The following PID1 variants were observed in gnomAD, a reference collection of about 807,000 sequenced individuals.
PID1 encodes the protein phosphotyrosine interaction domain containing 1.
PID1 carries 10 observed loss-of-function variants against 19.1 expected under a neutral mutation model. The ratio of observed to expected loss-of-function variants is 0.52; its 90% CI spans 0.32 to 0.89. The LOEUF (loss-of-function observed/expected upper bound fraction) is 0.89. Ranked by LOEUF, PID1 falls within the 40% of genes least tolerant of loss-of-function variation. The probability of loss-of-function intolerance (pLI) is 0.03; values close to 1 mark genes in which losing one functional copy is unlikely to be tolerated. For missense variants in PID1, 248 were observed against 285.3 expected (o/e 0.87, Z 0.94); for synonymous variants, 130 against 116.0 (o/e 1.12, Z -0.78).
At chr2:229,098,041 G>A (rs1385116937) in intron 2 of PID1, among the ~76,000 whole-genome samples, 1 of 152,138 alleles carries the variant, frequency 6.6e-6, no homozygotes, top group African/African-American at 2.4e-5. Flanking sequence ...TTTGTTCAGT[G>A]CAAAACCAAC....
chr2:229,099,521 G>A (rs951807599), intron 2 of PID1, among the ~76,000 whole-genome samples: 2 of 152,128 alleles, frequency 1.3e-5, no homozygotes, highest in African/African-American at 4.8e-5. Flanking sequence ...AGAAGCGGGA[G>A]AGTTTATTTG....
At chr2:229,126,005 T>C (rs1478095520) in intron 2 of PID1, among the ~76,000 whole-genome samples, 1 of 152,204 alleles carries the variant, frequency 6.6e-6, no homozygotes, top group Non-Finnish European at 1.5e-5. Flanking sequence ...CCACCTCTAA[T>C]GTGTTTACCA....
chr2:229,029,744 G>T (rs1693506032), intron 2 of PID1, among the ~76,000 whole-genome samples: 1 of 151,508 alleles, frequency 6.6e-6, no homozygotes, highest in Admixed American at 6.6e-5. Context: ...GAAGGCTGAG[G>T]CAGGAGAATC....
At chr2:229,233,794 G>A (rs923438429) in intron 1 of PID1, among the ~76,000 whole-genome samples, 1 of 152,090 alleles carries the variant, frequency 6.6e-6, no homozygotes, top group African/African-American at 2.4e-5. Flanking sequence ...ACCCAGCCTT[G>A]TGCTAGATTT....
chr2:229,270,994 G>GA lies in PID1; in HGVS notation c.30+19_30+20insT. On this transcript the variant is annotated intron_variant, in intron 1 of 2. Coordinates refer to ENST00000392055, the MANE Select transcript of PID1 (RefSeq NM_001100818.2). ...CACCTCCTCCTCCAGGCTGGCCCCCGGCTCCCGGGTGCCCCTTACCTGCAG... is the reference window on the plus strand; with the variant it reads ...CACCTCCTCCTCCAGGCTGGCCCCCGAGCTCCCGGGTGCCCCTTACCTGCAG... 1.4e-6 allele frequency: 2 copies of GA among 1,386,796 alleles called. No homozygotes were observed. The highest frequency in any genetic ancestry group is 1.9e-6 in the Non-Finnish European group (2 of 1,073,262). 85.9% of individuals were successfully genotyped at this position (1,386,796 alleles called of 1,614,324 possible).
At chr2:229,045,982 C>G (rs570841052) in intron 2 of PID1, among the ~76,000 whole-genome samples, 3 of 152,326 alleles carry the variant, frequency 2.0e-5, no homozygotes, top group Admixed American at 6.5e-5. Context: ...TTAAGTGCCA[C>G]AGCCCAAATT....
At chr2:229,107,318 G>A (rs1470429867) in intron 2 of PID1, among the ~76,000 whole-genome samples, 8 of 152,068 alleles carry the variant, frequency 5.3e-5, no homozygotes, top group African/African-American at 1.7e-4. Context: ...AATGCACAGG[G>A]GTTTTGGGGA....
At chr2:229,177,475 T>G (rs990352537) in intron 1 of PID1, among the ~76,000 whole-genome samples, 1 of 152,208 alleles carries the variant, frequency 6.6e-6, no homozygotes, top group African/African-American at 2.4e-5. Context: ...TTTCGTTGTC[T>G]TTTGCTTTTC....
At chr2:229,030,004 T>C (rs915366517) in intron 2 of PID1, among the ~76,000 whole-genome samples, 1 of 152,128 alleles carries the variant, frequency 6.6e-6, no homozygotes, top group Non-Finnish European at 1.5e-5. Context: ...AATCCAAGTG[T>C]CCGTTGATAG....
chr2:229,124,344 T>C (rs1695580855), intron 2 of PID1, among the ~76,000 whole-genome samples: 1 of 152,140 alleles, frequency 6.6e-6, no homozygotes, highest in African/African-American at 2.4e-5. Context: ...TGCTGTGTTG[T>C]CTCTTCCAAC....
At chr2:229,051,382 G>T (rs990753075) in intron 2 of PID1, among the ~76,000 whole-genome samples, 1 of 151,964 alleles carries the variant, frequency 6.6e-6, no homozygotes, top group Non-Finnish European at 1.5e-5. Flanking sequence ...CTGTTGCCCC[G>T]GCTGTAGTGC....
intron 2 of PID1, among the ~76,000 whole-genome samples, chr2:229,076,298 A>G (rs972124563): frequency 6.6e-6 from 1 of 151,714 alleles, no homozygotes; most frequent in African/African-American, 2.4e-5. Flanking sequence ...CCAATCCTCA[A>G]TCACTTCCCC....
intron 1 of PID1, among the ~76,000 whole-genome samples, chr2:229,216,222 T>A (rs1017884295): frequency 1.3e-5 from 2 of 152,200 alleles, no homozygotes; most frequent in African/African-American, 2.4e-5. Flanking sequence ...TAACAGCAAC[T>A]ATGATGCTTG....
intron 2 of PID1, among the ~76,000 whole-genome samples, chr2:229,046,965 G>T (rs1693894825): frequency 6.6e-6 from 1 of 152,096 alleles, no homozygotes; most frequent in Non-Finnish European, 1.5e-5. Flanking sequence ...CAAATAATGT[G>T]GCAAGATCTC....
intron 2 of PID1, among the ~76,000 whole-genome samples, chr2:229,096,315 A>T (rs1405753965): frequency 6.6e-6 from 1 of 152,186 alleles, no homozygotes; most frequent in Non-Finnish European, 1.5e-5. Flanking sequence ...TCATTTTACT[A>T]AGTAGATGTA....
intron 1 of PID1, among the ~76,000 whole-genome samples, chr2:229,174,979 A>G (rs1559269470): frequency 6.6e-6 from 1 of 152,144 alleles, no homozygotes. Flanking sequence ...CCATGCTGTG[A>G]GGAAGCTCAA....
chr2:229,105,522 T>C (rs548494191), intron 2 of PID1, among the ~76,000 whole-genome samples: 1 of 152,234 alleles, frequency 6.6e-6, no homozygotes, highest in African/African-American at 2.4e-5. Context: ...GAGTGTGAAC[T>C]TGACAGCCCT....
chr2:229,160,339 A>C (rs535344615), intron 1 of PID1, among the ~76,000 whole-genome samples: 8 of 151,320 alleles, frequency 5.3e-5, no homozygotes, highest in Non-Finnish European at 1.0e-4. Context: ...AGCCAAGTGA[A>C]ATAAATACAC....
chr2:229,176,559 A>C (rs934182250), intron 1 of PID1, among the ~76,000 whole-genome samples: 2 of 152,374 alleles, frequency 1.3e-5, no homozygotes, highest in East Asian at 1.9e-4. Context: ...TCTGCAGATT[A>C]GTCATGCCTG....
Sources: gnomAD v4.1 joint callset for allele counts (sites outside exome capture counted in the v4.1 genomes callset) on GRCh38, gnomAD v4.1.1 for gene constraint, MANE v1.5 for transcripts, NCBI Gene and HGNC (gene_info 2026-07-23, HGNC 2026-07-21) for gene names.